The following PLCL1 variants were observed in gnomAD, a reference collection of about 807,000 sequenced individuals.
PLCL1 encodes phospholipase C like 1 (inactive), also known as inactive phospholipase C-like protein 1.
A neutral mutation model predicts 84.4 loss-of-function variants in PLCL1; 41 were observed. The observed-to-expected ratio is 0.49, with a 90% CI of 0.38 to 0.63. PLCL1 has a LOEUF of 0.63. Ranked by LOEUF, PLCL1 falls within the 30% of genes least tolerant of loss-of-function variation. The pLI is 0.00. For missense variants in PLCL1, 1,206 were observed against 1,367.8 expected (o/e 0.88, Z 1.87); for synonymous variants, 490 against 488.3 (o/e 1.00, Z -0.05).
At chr2:197,838,293 C>T (rs2105665379) in intron 1 of PLCL1, among the ~76,000 whole-genome samples, 1 of 152,256 alleles carries the variant, frequency 6.6e-6, no homozygotes. Context: ...ATGGGAGGGC[C>T]CATGTAATTC....
At chr2:197,987,762 T>G (rs913189248) in intron 1 of PLCL1, among the ~76,000 whole-genome samples, 7 of 152,098 alleles carry the variant, frequency 4.6e-5, no homozygotes, top group Admixed American at 1.3e-4. Context: ...ATGGATATGG[T>G]TTTAGTGAGG....
At chr2:197,919,266 C>T (rs568853784) in intron 1 of PLCL1, among the ~76,000 whole-genome samples, 4 of 152,214 alleles carry the variant, frequency 2.6e-5, no homozygotes, top group African/African-American at 4.8e-5. Context: ...GTATTGCAAT[C>T]GGTTACCTAT....
At chr2:197,880,297 T>C (rs1687806574) in intron 1 of PLCL1, among the ~76,000 whole-genome samples, 1 of 152,154 alleles carries the variant, frequency 6.6e-6, no homozygotes, top group Admixed American at 6.6e-5. Context: ...CCGAAGGACT[T>C]TGGGTAAACC....
intron 1 of PLCL1, among the ~76,000 whole-genome samples, chr2:197,859,816 G>A (rs1336493448): frequency 6.6e-6 from 1 of 152,152 alleles, no homozygotes; most frequent in Non-Finnish European, 1.5e-5. Flanking sequence ...TACATTCTAT[G>A]ATATAAGCAC....
intron 1 of PLCL1, among the ~76,000 whole-genome samples, chr2:198,053,797 A>G (rs910285092): frequency 1.3e-5 from 2 of 152,232 alleles, no homozygotes; most frequent in Non-Finnish European, 1.5e-5. Context: ...AAATAAAGCA[A>G]TTCAGATAAT....
intron 1 of PLCL1, among the ~76,000 whole-genome samples, chr2:198,059,071 C>G (rs1692129954): frequency 6.6e-6 from 1 of 152,136 alleles, no homozygotes; most frequent in Non-Finnish European, 1.5e-5. Flanking sequence ...TTACTACCCC[C>G]TGAACACTTA....
At chr2:197,876,217 T>G (rs527811650) in intron 1 of PLCL1, among the ~76,000 whole-genome samples, 1 of 152,282 alleles carries the variant, frequency 6.6e-6, no homozygotes, top group South Asian at 2.1e-4. Context: ...GCTAGGAATA[T>G]TACTATAACA....
At chr2:198,127,627 A>G (rs774686951) in intron 5 of PLCL1, among the ~76,000 whole-genome samples, 5 of 152,194 alleles carry the variant, frequency 3.3e-5, no homozygotes, top group Non-Finnish European at 5.9e-5. Context: ...ATGCCTATTT[A>G]CACAGGTTGG....
chr2:198,125,643 C>T (rs1693967317), intron 5 of PLCL1, among the ~76,000 whole-genome samples: 1 of 151,870 alleles, frequency 6.6e-6, no homozygotes, highest in Admixed American at 6.6e-5. Context: ...TAGTAGAAGA[C>T]TTTATTAAAA....
chr2:197,827,837 A>AT (rs1185206173), intron 1 of PLCL1, among the ~76,000 whole-genome samples: 1 of 152,076 alleles, frequency 6.6e-6, no homozygotes, highest in African/African-American at 2.4e-5. Context: ...TTAAATTGTG[A>AT]TTTTTAGTCA....
chr2:198,042,489 C>T (rs1691688268), intron 1 of PLCL1, among the ~76,000 whole-genome samples: 2 of 152,142 alleles, frequency 1.3e-5, no homozygotes, highest in African/African-American at 2.4e-5. Context: ...CTGGGCAAGA[C>T]TTGTGGCCAG....
At chr2:197,838,164 T>G (rs1490490244) in intron 1 of PLCL1, among the ~76,000 whole-genome samples, 1 of 152,148 alleles carries the variant, frequency 6.6e-6, no homozygotes, top group Admixed American at 6.6e-5. Context: ...GGGAGCTCAG[T>G]TTGTTTGAGT....
intron 1 of PLCL1, among the ~76,000 whole-genome samples, chr2:197,998,457 A>G (rs1169261391): frequency 1.3e-5 from 2 of 151,948 alleles, no homozygotes; most frequent in African/African-American, 4.8e-5. Context: ...TAGATGTCCA[A>G]GTTGCTGCTA....
intron 1 of PLCL1, among the ~76,000 whole-genome samples, chr2:197,820,011 A>G (rs551863232): frequency 5.3e-5 from 8 of 152,168 alleles, no homozygotes; most frequent in African/African-American, 1.9e-4. Flanking sequence ...CAATGATTTC[A>G]GAATATATTC....
At chr2:197,833,564 A>G (rs1484123143) in intron 1 of PLCL1, among the ~76,000 whole-genome samples, 4 of 152,142 alleles carry the variant, frequency 2.6e-5, no homozygotes, top group African/African-American at 9.7e-5. Flanking sequence ...TCATGAGTGA[A>G]CTCCCATTCA....
intron 1 of PLCL1, among the ~76,000 whole-genome samples, chr2:197,890,692 A>ATG: frequency 1.6e-5 from 2 of 125,398 alleles, no homozygotes; most frequent in South Asian, 2.7e-4. Flanking sequence ...CTATATATAT[A>ATG]TATATATATA....
intron 1 of PLCL1, among the ~76,000 whole-genome samples, chr2:198,064,822 AT>A (rs1204963474): frequency 1.3e-5 from 2 of 152,298 alleles, no homozygotes; most frequent in African/African-American, 4.8e-5. Context: ...GAAAGTCTTT[AT>A]GTTTTGCAGA....
At chr2:198,060,138 T>C (rs527350436) in intron 1 of PLCL1, among the ~76,000 whole-genome samples, 46 of 152,286 alleles carry the variant, frequency 3.0e-4, no homozygotes, top group African/African-American at 1.1e-3. Flanking sequence ...CACTTCTTTT[T>C]CATTAAAAAT....
rs533004051 is a variant in PLCL1 at position 197,831,956 on chromosome 2, A to G, written c.240+26617A>G. 4.5e-4 allele frequency among the ~76,000 whole-genome samples: 69 copies of G among 152,324 alleles called. 2 individuals carry two copies. In the South Asian group the frequency reaches 9.9e-3, roughly 22 times the overall value. On this transcript the variant is annotated intron_variant, in intron 1 of 5. Coordinates refer to ENST00000428675, the MANE Select transcript of PLCL1 (RefSeq NM_006226.4). ...GAAATAAATAAGTTCTTTGAAACCA[A>G]TGAGAACAAAGACACAATGTACCAG...
Sources: allele counts gnomAD v4.1 joint callset (sites outside exome capture counted in the v4.1 genomes callset), GRCh38; gene constraint gnomAD v4.1.1; transcripts MANE v1.5; gene names NCBI Gene and HGNC (gene_info 2026-07-23, HGNC 2026-07-21).